The following FAM222B variants were observed in gnomAD, a reference collection of about 807,000 sequenced individuals.
FAM222B encodes the protein protein FAM222B.
In FAM222B, 12 loss-of-function variants were observed where a neutral mutation model predicts 38.0. The ratio of observed to expected loss-of-function variants is 0.32; its 90% CI spans 0.20 to 0.51. FAM222B has a LOEUF of 0.51. FAM222B is among the 20% of genes least tolerant of loss of function. The pLI, the probability that FAM222B is intolerant of heterozygous loss-of-function variation, is 0.97. For synonymous variants in FAM222B, 329 were observed against 317.2 expected (o/e 1.04, Z -0.40); for missense variants, 716 against 754.2 (o/e 0.95, Z 0.59).
At chr17:28,793,052 A>AC (rs1424257962) in intron 1 of FAM222B, among the ~76,000 whole-genome samples, 1 of 149,676 alleles carries the variant, frequency 6.7e-6, no homozygotes, top group Non-Finnish European at 1.5e-5. Context: ...AACCCCCAAC[A>AC]CCCCCACCCA....
chr17:28,828,815 T>C (rs2038538397), intron 1 of FAM222B, among the ~76,000 whole-genome samples: 2 of 152,288 alleles, frequency 1.3e-5, no homozygotes, highest in Admixed American at 1.3e-4. Flanking sequence ...AATGCATAGT[T>C]GTGTAACCAC....
At chr17:28,784,899 A>T (rs768440847) in intron 1 of FAM222B, among the ~76,000 whole-genome samples, 17 of 151,116 alleles carry the variant, frequency 1.1e-4, no homozygotes, top group Non-Finnish European at 2.1e-4. Flanking sequence ...TACAGGTGTG[A>T]GCCACCATGC....
chr17:28,772,260 T>C (rs2035669381), intron 1 of FAM222B, among the ~76,000 whole-genome samples: 1 of 152,126 alleles, frequency 6.6e-6, no homozygotes, highest in East Asian at 1.9e-4. Flanking sequence ...TTTTTCTCCT[T>C]CTTCAGGGAA....
At chr17:28,843,965 G>T (rs1790296008), upstream of FAM222B, among the ~76,000 whole-genome samples, 1 of 152,162 alleles carries the variant, frequency 6.6e-6, no homozygotes, top group African/African-American at 2.4e-5. Context: ...AAATGTTCTA[G>T]GCATCGCGTG....
chr17:28,830,755 G>C (rs1384703754), intron 1 of FAM222B, among the ~76,000 whole-genome samples: 1 of 151,628 alleles, frequency 6.6e-6, no homozygotes. Flanking sequence ...GAAGGCTGAG[G>C]TAAGCAGATG....
intron 1 of FAM222B, among the ~76,000 whole-genome samples, chr17:28,789,441 C>A (rs190612389): frequency 2.6e-5 from 4 of 152,258 alleles, no homozygotes; most frequent in African/African-American, 2.4e-5. Context: ...GATCCACCTG[C>A]CTCGGCCCCC....
At chr17:28,840,049 T>G (rs1048464891) in intron 1 of FAM222B, among the ~76,000 whole-genome samples, 2 of 152,086 alleles carry the variant, frequency 1.3e-5, no homozygotes, top group Admixed American at 1.3e-4. Flanking sequence ...AGTGTCTATG[T>G]CCTTTTAAAA....
At chr17:28,813,173 G>A (rs1186838972) in intron 1 of FAM222B, among the ~76,000 whole-genome samples, 30 of 142,440 alleles carry the variant, frequency 2.1e-4, no homozygotes, top group Admixed American at 2.8e-4. Flanking sequence ...AACACACATA[G>A]TTGGCTCCAA....
At chr17:28,787,032 C>G (rs2036447321) in intron 1 of FAM222B, among the ~76,000 whole-genome samples, 1 of 151,388 alleles carries the variant, frequency 6.6e-6, no homozygotes, top group African/African-American at 2.4e-5. Flanking sequence ...TCACGCCATT[C>G]TCCTGCCTCA....
At chr17:28,813,967 TG>T (rs1837914287) in intron 1 of FAM222B, among the ~76,000 whole-genome samples, 1 of 151,878 alleles carries the variant, frequency 6.6e-6, no homozygotes, top group Non-Finnish European at 1.5e-5. Flanking sequence ...CCCAGCACTT[TG>T]GGAGGCCAAC....
chr17:28,786,275 G>T (rs1311634026), intron 1 of FAM222B, among the ~76,000 whole-genome samples: 1 of 152,150 alleles, frequency 6.6e-6, no homozygotes, highest in African/African-American at 2.4e-5. Flanking sequence ...TCAATTCATA[G>T]TGAAAATCCT....
At chr17:28,797,898 A>C (rs958237475) in intron 1 of FAM222B, among the ~76,000 whole-genome samples, 10 of 97,952 alleles carry the variant, frequency 1.0e-4, no homozygotes, top group African/African-American at 3.4e-4. Context: ...CCATCTCTAC[A>C]AAAAAAAAAT....
chr17:28,772,625 G>A (rs1449663608), intron 1 of FAM222B, among the ~76,000 whole-genome samples: 3 of 151,614 alleles, frequency 2.0e-5, no homozygotes, highest in African/African-American at 4.8e-5. Context: ...GGCCACACGC[G>A]GTGGCTCATG....
chr17:28,817,871 A>T (rs1447315270), intron 1 of FAM222B, among the ~76,000 whole-genome samples: 1 of 152,212 alleles, frequency 6.6e-6, no homozygotes, highest in African/African-American at 2.4e-5. Context: ...ATAATAATTC[A>T]CACTAGACAA....
chr17:28,770,239 C>G (rs1334174692), intron 1 of FAM222B, among the ~76,000 whole-genome samples: 1 of 152,182 alleles, frequency 6.6e-6, no homozygotes, highest in African/African-American at 2.4e-5. Context: ...CTAACACTTA[C>G]GAGGCTCTCC....
chr17:28,820,420 C>G (rs2038167671), intron 1 of FAM222B, among the ~76,000 whole-genome samples: 1 of 152,138 alleles, frequency 6.6e-6, no homozygotes, highest in Non-Finnish European at 1.5e-5. Flanking sequence ...CAACAATCAC[C>G]TAATCCTGCA....
At chr17:28,824,123 C>G (rs1449411981) in intron 1 of FAM222B, among the ~76,000 whole-genome samples, 1 of 151,946 alleles carries the variant, frequency 6.6e-6, no homozygotes, top group Non-Finnish European at 1.5e-5. Flanking sequence ...ATGATCCACC[C>G]GCCTCGGCCT....
chr17:28,841,477 T>G (rs56281452), intron 1 of FAM222B, among the ~76,000 whole-genome samples: 2 of 151,882 alleles, frequency 1.3e-5, no homozygotes, highest in African/African-American at 4.8e-5. Flanking sequence ...CGGGTTCGAG[T>G]GATTCCCCTG....
intron 1 of FAM222B, among the ~76,000 whole-genome samples, chr17:28,837,044 C>A (rs759064483): frequency 3.3e-5 from 5 of 152,040 alleles, no homozygotes; most frequent in Non-Finnish European, 5.9e-5. Context: ...TGAACCCGGG[C>A]AGTGGAGGCT....
Sources: gnomAD v4.1 joint callset for allele counts (sites outside exome capture counted in the v4.1 genomes callset) on GRCh38, gnomAD v4.1.1 for gene constraint, MANE v1.5 for transcripts, NCBI Gene and HGNC (gene_info 2026-07-23, HGNC 2026-07-21) for gene names.